GRID2: variants seen among roughly 807,000 people sequenced by gnomAD.
GRID2 encodes glutamate ionotropic receptor delta type subunit 2.
A neutral mutation model predicts 114.8 loss-of-function variants in GRID2; 33 were observed. The observed-to-expected ratio is 0.29, with a 90% confidence interval of 0.22 to 0.38. GRID2 has a LOEUF of 0.38. Among genes scored for constraint, GRID2 ranks in the 10% least tolerant of loss-of-function variants. The pLI is 1.00. For synonymous variants in GRID2, 505 were observed against 449.9 expected, an observed-to-expected ratio of 1.12 and a Z score of -1.55; for missense variants, 1,184 against 1,257.7, an observed-to-expected ratio of 0.94 and a Z score of 0.89.
At chr4:92,621,462 TG>T (rs1243478596) in intron 2 of GRID2, among the ~76,000 whole-genome samples, 1 of 151,808 alleles carries the variant, frequency 6.6e-6, no homozygotes, top group Non-Finnish European at 1.5e-5. Context: ...TATTTTGGTG[TG>T]GTTATTTTAA....
chr4:93,478,483 T>C (rs1725536877), intron 11 of GRID2, among the ~76,000 whole-genome samples: 1 of 151,798 alleles, frequency 6.6e-6, no homozygotes, highest in Non-Finnish European at 1.5e-5. Context: ...TTTTATTTGC[T>C]CAGAACATTC....
intron 1 of GRID2, among the ~76,000 whole-genome samples, chr4:92,576,295 G>C (rs1285850844): frequency 6.6e-6 from 1 of 152,120 alleles, no homozygotes; most frequent in Non-Finnish European, 1.5e-5. Flanking sequence ...CGGACCATTT[G>C]GACTCTCCAA....
At chr4:93,691,495 G>T (rs984772447) in intron 14 of GRID2, among the ~76,000 whole-genome samples, 1 of 152,042 alleles carries the variant, frequency 6.6e-6, no homozygotes, top group Non-Finnish European at 1.5e-5. Context: ...GCAGACCTGA[G>T]TTCAAATCTC....
chr4:93,048,550 C>T (rs1266368345), intron 2 of GRID2, among the ~76,000 whole-genome samples: 2 of 151,976 alleles, frequency 1.3e-5, no homozygotes, highest in East Asian at 1.9e-4. Flanking sequence ...GAATGAGGAA[C>T]TTTTCCCTTT....
intron 8 of GRID2, among the ~76,000 whole-genome samples, chr4:93,310,367 C>T (rs952862446): frequency 1.3e-5 from 2 of 151,846 alleles, no homozygotes; most frequent in Non-Finnish European, 1.5e-5. Context: ...TAAAAACAAA[C>T]ACACACACAA....
At chr4:93,592,550 A>C (rs961535707) in intron 13 of GRID2, among the ~76,000 whole-genome samples, 1 of 151,812 alleles carries the variant, frequency 6.6e-6, no homozygotes, top group Admixed American at 6.6e-5. Context: ...TGGGGTGGAG[A>C]GTTCTGTAGA....
chr4:92,565,362 G>A (rs773539399), intron 1 of GRID2, among the ~76,000 whole-genome samples: 4 of 151,854 alleles, frequency 2.6e-5, no homozygotes, highest in Non-Finnish European at 4.4e-5. Flanking sequence ...TATAGTTTTA[G>A]TTTACTGAAT....
intron 8 of GRID2, among the ~76,000 whole-genome samples, chr4:93,273,601 T>C (rs115251575): frequency 6.6e-6 from 1 of 152,026 alleles, no homozygotes; most frequent in African/African-American, 2.4e-5. Flanking sequence ...AAATGAGGGA[T>C]TGAGGATTAT....
At chr4:92,437,739 C>T (rs976516363) in intron 1 of GRID2, among the ~76,000 whole-genome samples, 1 of 152,154 alleles carries the variant, frequency 6.6e-6, no homozygotes, top group Non-Finnish European at 1.5e-5. Flanking sequence ...TTAATACTTC[C>T]TTCTTTCTAT....
intron 10 of GRID2, among the ~76,000 whole-genome samples, chr4:93,452,216 A>T (rs182665902): frequency 1.3e-5 from 2 of 152,276 alleles, no homozygotes; most frequent in Non-Finnish European, 2.9e-5. Flanking sequence ...TGTGTTTGTG[A>T]TGGAGGGAGA....
At chr4:93,498,445 C>T (rs547735251) in intron 12 of GRID2, among the ~76,000 whole-genome samples, 1 of 151,958 alleles carries the variant, frequency 6.6e-6, no homozygotes, top group East Asian at 1.9e-4. Context: ...TCAATATGAA[C>T]TCTGGAAGGA....
At chr4:92,796,816 C>G (rs1166749153) in intron 2 of GRID2, among the ~76,000 whole-genome samples, 1 of 151,758 alleles carries the variant, frequency 6.6e-6, no homozygotes, top group East Asian at 2.0e-4. Flanking sequence ...TAGACTTTTC[C>G]CCTTCCTCGT....
intron 2 of GRID2, among the ~76,000 whole-genome samples, chr4:92,930,551 G>T (rs1431044810): frequency 1.4e-5 from 2 of 143,870 alleles, no homozygotes; most frequent in African/African-American, 2.5e-5. Flanking sequence ...CAATTGGAAA[G>T]ATTCTTTATC....
chr4:92,412,598 A>G (rs954753516), intron 1 of GRID2, among the ~76,000 whole-genome samples: 1 of 152,170 alleles, frequency 6.6e-6, no homozygotes, highest in Non-Finnish European at 1.5e-5. Context: ...AGTTTAGCAC[A>G]TCTCATTTTT....
chr4:92,710,003 T>A, intron 2 of GRID2, among the ~76,000 whole-genome samples: 1 of 152,148 alleles, frequency 6.6e-6, no homozygotes, highest in Non-Finnish European at 1.5e-5. Context: ...TATCTAAAAT[T>A]TGAAAGTAAA....
Position 93,535,239 on chromosome 4 carries a change from C to T in GRID2, c.2193+19828C>T, listed in dbSNP as rs865918913. 1.6e-3 allele frequency among the ~76,000 whole-genome samples: 228 copies of T among 142,682 alleles called. 1 individual carries two copies. Among genetic ancestry groups the T allele is most frequent in the Middle Eastern group, 3.4e-3 (1 of 292 alleles). The allele number at this position is 142,682 out of a possible 152,430, so 93.6% of individuals were successfully genotyped here. On this transcript the variant is annotated intron_variant, in intron 13 of 15. Coordinates refer to ENST00000282020, the MANE Select transcript of GRID2 (RefSeq NM_001510.4). ...ATACACACACATACACATACACACA[C>T]ACACACACACACACACACACACACA...
intron 2 of GRID2, among the ~76,000 whole-genome samples, chr4:93,022,362 C>G (rs1226394347): frequency 6.6e-6 from 1 of 151,648 alleles, no homozygotes; most frequent in Non-Finnish European, 1.5e-5. Flanking sequence ...CAAACAGATT[C>G]TTTCCTTCTA....
In GRID2 at chr4:92,652,805, A is replaced by AT. The variant is rs1441105336; in HGVS notation, c.244+62519_244+62520insT. On this transcript the variant is annotated intron_variant, in intron 2 of 15. Coordinates refer to ENST00000282020, the MANE Select transcript of GRID2 (RefSeq NM_001510.4). The stretch of plus-strand genomic sequence containing the variant: ...AGCCTGGCCAAGATGGTGAAAAAAA[A>AT]AATATATATATATATATAAATATAT... 1.8e-3 allele frequency among the ~76,000 whole-genome samples: 256 copies of AT among 138,486 alleles called. 11 individuals are homozygous for AT. The highest frequency in any genetic ancestry group is 2.6e-3 in the African/African-American group (98 of 37,456). 90.9% of individuals were successfully genotyped at this position (138,486 alleles called of 152,430 possible).
chr4:93,361,467 G>GATTATTATT lies in GRID2; in HGVS notation c.1246-34115_1246-34107dup, dbSNP rs149947795. On this transcript the variant is annotated intron_variant, in intron 8 of 15. Transcript: ENST00000282020. ...AAAGGCTCTTTTTAAATGTTACTGT[G>GATTATTATT]ATTATTATTATTATTATTATTATTA... Among the ~76,000 whole-genome samples, 1,447 of 147,622 alleles carry GATTATTATT rather than the reference G, an allele frequency of 9.8e-3. 12 individuals are homozygous for GATTATTATT. Among genetic ancestry groups the GATTATTATT allele is most frequent in the African/African-American group, 0.028 (1,143 of 40,306 alleles).
Sources: gnomAD v4.1 joint callset for allele counts (sites outside exome capture counted in the v4.1 genomes callset) on GRCh38, gnomAD v4.1.1 for gene constraint, MANE v1.5 for transcripts, NCBI Gene and HGNC (gene_info 2026-07-23, HGNC 2026-07-21) for gene names.